GABRR1: variants seen among roughly 807,000 people sequenced by gnomAD.
The protein encoded by GABRR1 is gamma-aminobutyric acid type A receptor subunit rho1, also known as gamma-aminobutyric acid receptor subunit rho-1.
Under a neutral mutation model 55.5 loss-of-function variants are expected in GABRR1, and 59 were observed. The observed-to-expected ratio is 1.06, with a 90% CI of 0.86 to 1.32. The LOEUF (loss-of-function observed/expected upper bound fraction) is 1.32. Ranked by LOEUF, GABRR1 falls within the 40% of genes most tolerant of loss-of-function variation. GABRR1 has a pLI of 0.00. For synonymous variants in GABRR1, 213 were observed against 226.0 expected, an observed-to-expected ratio of 0.94 and a Z score of 0.51; for missense variants, 602 against 619.1, an observed-to-expected ratio of 0.97 and a Z score of 0.29.
chr6:89,229,081 C>A (rs936882080), intron 1 of GABRR1, among the ~76,000 whole-genome samples: 143 of 152,146 alleles, frequency 9.4e-4, no homozygotes, highest in African/African-American at 3.3e-3. Flanking sequence ...ACTAGGATTG[C>A]AACCCCTGCC....
In GABRR1 at chr6:89,190,202, G is replaced by A; in HGVS notation, c.618C>T (p.Pro206=). The part of the protein sequence containing the change: ...AMCNMDFSRF[P]LDTQTCSLEI... The stretch of plus-strand genomic sequence containing the variant: ...CAAGAGAGCACGTTTGTGTGTCCAA[G>A]GGAAATCGGCTGAAGTCCATGTTGC... The change falls in exon 6 of 10, where the codon CCC becomes CCT. Residue 206 remains proline (P), a synonymous_variant. Coordinates refer to ENST00000454853, the MANE Select transcript of GABRR1 (RefSeq NM_002042.5). 6.2e-7 allele frequency: 1 copy of A among 1,611,840 alleles called. No individual in the cohort carries two copies. The highest frequency in any genetic ancestry group is 2.2e-5 in the East Asian group (1 of 44,748).
chr6:89,196,875 G>GAAAGAAAGAAAGA (rs769520512), intron 5 of GABRR1, among the ~76,000 whole-genome samples: 5,243 of 134,458 alleles, frequency 0.039, 246 homozygotes, highest in Admixed American at 0.064. Context: ...AAGAAAGAAA[G>GAAAGAAAGAAAGA]AAAGAGAAGA....
chr6:89,194,815 T>C (rs1772210971), intron 5 of GABRR1, among the ~76,000 whole-genome samples: 1 of 152,012 alleles, frequency 6.6e-6, no homozygotes, highest in Non-Finnish European at 1.5e-5. Flanking sequence ...GAAGACTGGC[T>C]ATTTGAAAAT....
At chr6:89,207,028 T>C (rs185152690) in intron 1 of GABRR1, among the ~76,000 whole-genome samples, 17 of 152,108 alleles carry the variant, frequency 1.1e-4, no homozygotes, top group Admixed American at 8.5e-4. Context: ...TTGCACAGAA[T>C]TGAAGGGATC....
At chr6:89,230,968 C>T (rs1180085538) in intron 1 of GABRR1, among the ~76,000 whole-genome samples, 7 of 150,882 alleles carry the variant, frequency 4.6e-5, no homozygotes, top group African/African-American at 1.5e-4. Flanking sequence ...TCTCGTGGTG[C>T]GCCGTTTTTT....
rs1015648008 is a variant in GABRR1 at position 89,199,397 on chromosome 6, C to G, written c.313G>C (p.Val105Leu). ...PAIPVGVDVQ[V>L]ESLDSISEVD... ...TCTGAGATGCTATCCAAACTCTCCA[C>G]CTGCACATCCACACCAACAGGAATG... The change falls in exon 4 of 10, where the codon GTG becomes CTG. Residue 105 changes from valine to leucine, a missense_variant. Coordinates refer to ENST00000454853, the MANE Select transcript of GABRR1 (RefSeq NM_002042.5). 6 of 1,613,966 alleles carry G rather than the reference C, an allele frequency of 3.7e-6. No individual in the cohort carries two copies.
chr6:89,198,352 C>CA, intron 4 of GABRR1, 109 bp from the exon 5 acceptor site: 1 of 845,756 alleles, frequency 1.2e-6, no homozygotes, highest in Middle Eastern at 3.5e-4. Context: ...GAAACCGAAC[C>CA]AAGAGAGGTT....
intron 5 of GABRR1, among the ~76,000 whole-genome samples, chr6:89,196,822 G>GGAAAGAAAGAAGAAA (rs1554190820): frequency 2.1e-4 from 19 of 91,124 alleles, no homozygotes; most frequent in African/African-American, 7.9e-4. Flanking sequence ...AAGAAAAGAA[G>GGAAAGAAAGAAGAAA]GAAAGAAAGA....
In GABRR1 at chr6:89,199,417, G is replaced by C; in HGVS notation, c.293C>G (p.Pro98Arg). Residue 98 changes from proline to arginine, a missense_variant, in exon 4 of 10, where the codon CCT becomes CGT. Transcript: ENST00000454853. Reference protein sequence around the residue: ...MRPGFGGPAIPVGVDVQVESL... With the variant: ...MRPGFGGPAIRVGVDVQVESL... ...CTCCACCTGCACATCCACACCAACA[G>C]GAATGGCAGGGCCTGGGGACAGAGC... 1 of 1,613,996 alleles carries C rather than the reference G, an allele frequency of 6.2e-7. No individual in the cohort carries two copies. Among genetic ancestry groups the C allele is most frequent in the Non-Finnish European group, 8.5e-7 (1 of 1,179,940 alleles).
chr6:89,190,298 T>C (rs1345371350), intron 5 of GABRR1, 51 bp from the exon 6 acceptor site: 3 of 1,335,662 alleles, frequency 2.2e-6, no homozygotes, highest in Non-Finnish European at 3.1e-6. Flanking sequence ...AAAAGACGAG[T>C]GCAAAATGAT....
chr6:89,185,464 G>A lies in GABRR1; in HGVS notation c.656-14C>T. 1.9e-6 allele frequency: 3 copies of A among 1,612,480 alleles called. No homozygotes were observed. The highest frequency in any genetic ancestry group is 2.5e-6 in the Non-Finnish European group (3 of 1,178,628). ...CTGTATAGGCATCTGAAAAGACAGGGGCCAGCATCAGACACAAGGTGGTGG... is the reference window on the plus strand; with the variant it reads ...CTGTATAGGCATCTGAAAAGACAGGAGCCAGCATCAGACACAAGGTGGTGG... On this transcript the variant is annotated splice_polypyrimidine_tract_variant and intron_variant, in intron 6 of 9. Coordinates refer to ENST00000454853, the MANE Select transcript of GABRR1 (RefSeq NM_002042.5).
intron 5 of GABRR1, among the ~76,000 whole-genome samples, chr6:89,196,278 G>A (rs564339596): frequency 2.6e-5 from 4 of 151,888 alleles, no homozygotes; most frequent in East Asian, 1.9e-4. Flanking sequence ...AGCATTATAC[G>A]TCCTTTATGT....
upstream of GABRR1, among the ~76,000 whole-genome samples, chr6:89,222,017 C>T (rs546828141): frequency 9.9e-5 from 15 of 152,148 alleles, no homozygotes; most frequent in Non-Finnish European, 2.2e-4. Flanking sequence ...CGTCTTGTTG[C>T]CCTTTCTCAG....
In GABRR1 at chr6:89,190,292, G is replaced by C. The variant is rs369859397; in HGVS notation, c.573-45C>G. 5.4e-5 allele frequency: 76 copies of C among 1,404,936 alleles called. 3 individuals are homozygous for C. The highest frequency in any genetic ancestry group is 1.8e-4 in the Middle Eastern group (1 of 5,594). 87.0% of individuals were successfully genotyped at this position (1,404,936 alleles called of 1,614,324 possible). On this transcript the variant is annotated intron_variant, in intron 5 of 9. Transcript: ENST00000454853. The stretch of plus-strand genomic sequence containing the variant: ...ATTGATTTATTCAGAGCCTGCAAAA[G>C]ACGAGTGCAAAATGATAAATGGAAA...
chr6:89,225,214 C>G (rs1312862308), intron 1 of GABRR1, among the ~76,000 whole-genome samples: 1 of 150,528 alleles, frequency 6.6e-6, no homozygotes, highest in Non-Finnish European at 1.5e-5. Context: ...ATCCCAGCAC[C>G]ATTTGTTGAA....
intron 1 of GABRR1, among the ~76,000 whole-genome samples, chr6:89,223,855 C>T (rs2127811847): frequency 6.6e-6 from 1 of 151,904 alleles, no homozygotes; most frequent in African/African-American, 2.4e-5. Context: ...CCTCTGCCTC[C>T]TGGGTTCAAG....
chr6:89,177,714 C>G lies in GABRR1; in HGVS notation c.*1056G>C, dbSNP rs1771587736. Reference sequence around the variant, plus strand: ...CTGCCTGGTATCTGGGCTGTGTGGTCTAGGTGATGGCAGTTTTCTGGTCCA... The same window carrying G: ...CTGCCTGGTATCTGGGCTGTGTGGTGTAGGTGATGGCAGTTTTCTGGTCCA... On this transcript the variant is annotated 3_prime_UTR_variant, in exon 10 of 10. Transcript: ENST00000454853. 1 of 152,086 alleles carries G rather than the reference C, an allele frequency of 6.6e-6. No homozygotes were observed. The highest frequency in any genetic ancestry group is 1.5e-5 in the Non-Finnish European group (1 of 68,024). The allele number at this position is 152,086 out of a possible 1,614,324, so 9.4% of individuals were successfully genotyped here.
chr6:89,185,797 T>C (rs1360542653), intron 6 of GABRR1, among the ~76,000 whole-genome samples: 2 of 152,232 alleles, frequency 1.3e-5, no homozygotes, highest in Non-Finnish European at 2.9e-5. Flanking sequence ...AAATTTCACA[T>C]GGCTCAGCCT....
In GABRR1 at chr6:89,179,020, A is replaced by G. The variant is rs908600319; in HGVS notation, c.1190T>C (p.Leu397Pro). The G allele has an allele frequency of 1.9e-6, 3 of 1,614,064 alleles. No homozygotes were observed. The highest frequency in any genetic ancestry group is 2.5e-6 in the Non-Finnish European group (3 of 1,180,036). ...CTCCCCATCACTGTAGTTGCCGTCC[A>G]GCATCGCAGTGCGGGGCGGAGGTAA... ...SGLPPPRTAM[L>P]DGNYSDGEVN... The change falls in exon 10 of 10, where the codon CTG becomes CCG. Residue 397 changes from leucine to proline, a missense_variant. Around this residue, in one of 3 missense-constraint regions of GABRR1, gnomAD observed 139 missense variants for 141.1 expected, o/e 0.99. Coordinates refer to ENST00000454853, the MANE Select transcript of GABRR1 (RefSeq NM_002042.5).
Sources: allele counts gnomAD v4.1 joint callset (sites outside exome capture counted in the v4.1 genomes callset), GRCh38; gene constraint gnomAD v4.1.1; regional missense constraint gnomAD v4.1.1; transcripts MANE v1.5; gene names NCBI Gene and HGNC (gene_info 2026-07-23, HGNC 2026-07-21).